The following KLHL2 variants were observed in gnomAD, a reference collection of about 807,000 sequenced individuals.
KLHL2 encodes kelch like family member 2.
KLHL2 carries 15 observed loss-of-function variants against 75.8 expected under a neutral mutation model. The observed-to-expected ratio is 0.20, with a 90% CI of 0.13 to 0.30. The LOEUF is 0.30. KLHL2 is among the 10% of genes least tolerant of loss of function. The probability of loss-of-function intolerance (pLI) is 1.00; values close to 1 mark genes in which losing one functional copy is unlikely to be tolerated. For missense variants in KLHL2, 381 were observed against 741.0 expected, an observed-to-expected ratio of 0.51 and a Z score of 5.64; for synonymous variants, 214 against 251.9, an observed-to-expected ratio of 0.85 and a Z score of 1.42.
rs372742091 is a variant in KLHL2, at chr4:165,244,630, A to AAAAC, written c.381+5755_381+5758dup. On this transcript the variant is annotated intron_variant, in intron 4 of 14. Transcript: ENST00000226725. ...ATAAGTACTCGGTCCTGGTGCTACA[A>AAAAC]AAACAAACAAACAAACAAACAAACA... Among the ~76,000 whole-genome samples the AAAAC allele has an allele frequency of 7.7e-4, 117 of 151,668 alleles. No homozygotes were observed. In the Middle Eastern group the frequency reaches 0.01, roughly 13 times the overall value.
rs1745015435 is a variant in KLHL2 at position 165,297,628 on chromosome 4, C to T, written c.674C>T (p.Ala225Val). 1.2e-6 allele frequency: 2 copies of T among 1,611,122 alleles called. No individual in the cohort carries two copies. The highest frequency in any genetic ancestry group is 2.2e-5 in the South Asian group (2 of 91,028). Residue 225 changes from alanine to valine, a missense_variant, in exon 7 of 15, where the codon GCA becomes GTA. Coordinates refer to ENST00000226725, the MANE Select transcript of KLHL2 (RefSeq NM_007246.4). ...SEEKVFEAVI[A>V]WVNHDKDVRQ... ...TGCAAGGTATTTGAAGCAGTAATAG[C>T]ATGGGTGAACCATGACAAGGATGTG...
At chr4:165,297,552 A>G in intron 6 of KLHL2, 57 bp from the exon 7 acceptor site, 2 of 979,944 alleles carry the variant, frequency 2.0e-6, no homozygotes, top group African/African-American at 1.6e-5. Context: ...TATTTTATCC[A>G]GATGCCTTGA....
At chr4:165,275,640 C>G (rs1305833654) in intron 5 of KLHL2, among the ~76,000 whole-genome samples, 5 of 152,106 alleles carry the variant, frequency 3.3e-5, no homozygotes, top group Admixed American at 2.0e-4. Flanking sequence ...CGGGCTCTTG[C>G]TGTGTTGCCC....
At position 165,240,223 on chromosome 4, in the gene KLHL2, G is replaced by C. The variant is rs552513681; in HGVS notation, c.381+1324G>C. On this transcript the variant is annotated intron_variant, in intron 4 of 14. Coordinates refer to ENST00000226725, the MANE Select transcript of KLHL2 (RefSeq NM_007246.4). ...GTTTTGAGGACAACAAAAATAACTAGGACTAAATTCTTAAGAAATAATCTT... is the reference window on the plus strand; with the variant it reads ...GTTTTGAGGACAACAAAAATAACTACGACTAAATTCTTAAGAAATAATCTT... The C allele has an allele frequency of 5.3e-5, 8 of 152,272 alleles. No individual in the cohort carries two copies. In the South Asian group the frequency reaches 1.7e-3, roughly 32 times the overall value. The allele number at this position is 152,272 out of a possible 1,614,324, so 9.4% of individuals were successfully genotyped here.
intron 11 of KLHL2, among the ~76,000 whole-genome samples, chr4:165,312,321 A>G (rs1746267491): frequency 6.6e-6 from 1 of 152,136 alleles, no homozygotes; most frequent in Admixed American, 6.5e-5. Context: ...GTGTAATTTT[A>G]TATCTGGAGA....
intron 6 of KLHL2, among the ~76,000 whole-genome samples, chr4:165,294,908 C>T (rs1579143940): frequency 6.6e-6 from 1 of 152,258 alleles, no homozygotes; most frequent in East Asian, 1.9e-4. Flanking sequence ...CCTAGGATGG[C>T]GAAGTTTTGG....
chr4:165,288,176 G>A (rs1375693903), intron 5 of KLHL2, among the ~76,000 whole-genome samples: 1 of 152,064 alleles, frequency 6.6e-6, no homozygotes, highest in Non-Finnish European at 1.5e-5. Flanking sequence ...ATTAATTTTT[G>A]TGTATGGCGT....
Position 165,271,241 on chromosome 4 carries a change from A to C in KLHL2, c.544+7882A>C, listed in dbSNP as rs192090018. 2.1e-3 allele frequency among the ~76,000 whole-genome samples: 321 copies of C among 152,282 alleles called. 1 individual carries two copies. The highest frequency in any genetic ancestry group is 7.4e-3 in the African/African-American group (307 of 41,554). On this transcript the variant is annotated intron_variant, in intron 5 of 14. Coordinates refer to ENST00000226725, the MANE Select transcript of KLHL2 (RefSeq NM_007246.4). ...ATTGACTCTGTAGATTGCTTTGGAC[A>C]GTATGGTCATTTTCATGGTGTTGAT...
intron 4 of KLHL2, among the ~76,000 whole-genome samples, chr4:165,260,501 G>C (rs1290535364): frequency 2.0e-5 from 3 of 151,920 alleles, no homozygotes; most frequent in Non-Finnish European, 4.4e-5. Flanking sequence ...ATCTGAACTT[G>C]GTAATGATTA....
intron 5 of KLHL2, among the ~76,000 whole-genome samples, chr4:165,267,487 T>C (rs1023451759): frequency 5.9e-5 from 9 of 152,260 alleles, no homozygotes; most frequent in Admixed American, 2.6e-4. Context: ...ATACGTTCCA[T>C]CAATACCTAG....
chr4:165,278,698 G>A (rs1316385509), intron 5 of KLHL2: 52 of 1,603,986 alleles, frequency 3.2e-5, no homozygotes, highest in Admixed American at 1.5e-4. Flanking sequence ...CTTCCAAAGC[G>A]TAATATACCG....
intron 4 of KLHL2, among the ~76,000 whole-genome samples, chr4:165,243,581 G>C (rs1739993059): frequency 6.6e-6 from 1 of 152,224 alleles, no homozygotes; most frequent in African/African-American, 2.4e-5. Flanking sequence ...ATTTAAATGA[G>C]AGTTTTTCAA....
intron 13 of KLHL2, among the ~76,000 whole-genome samples, chr4:165,316,214 G>A (rs1746578213): frequency 6.6e-6 from 1 of 152,172 alleles, no homozygotes; most frequent in Non-Finnish European, 1.5e-5. Context: ...GCAGTGGGAT[G>A]CTCTTTAATC....
chr4:165,320,771 GGA>G (rs1204780265), intron 14 of KLHL2, among the ~76,000 whole-genome samples: 58 of 152,332 alleles, frequency 3.8e-4, no homozygotes, highest in African/African-American at 1.3e-3. Flanking sequence ...TGACTTCACA[GGA>G]GTTATGACAG....
chr4:165,270,162 A>C (rs929486237), intron 5 of KLHL2, among the ~76,000 whole-genome samples: 5 of 152,054 alleles, frequency 3.3e-5, no homozygotes, highest in African/African-American at 1.2e-4. Context: ...TGTGGTTTTC[A>C]GCTCCATCAG....
At chr4:165,217,091 G>A (rs1737598439) in intron 1 of KLHL2, among the ~76,000 whole-genome samples, 1 of 151,928 alleles carries the variant, frequency 6.6e-6, no homozygotes, top group Admixed American at 6.6e-5. Context: ...AGTTGCTTTT[G>A]CTTCCACTTT....
intron 4 of KLHL2, among the ~76,000 whole-genome samples, chr4:165,254,333 A>G (rs1369907518): frequency 1.3e-5 from 2 of 152,212 alleles, no homozygotes; most frequent in African/African-American, 2.4e-5. Flanking sequence ...TGGATTTATC[A>G]TATTTTACTT....
At chr4:165,264,764 A>G (rs1279848423) in intron 5 of KLHL2, among the ~76,000 whole-genome samples, 109 of 98,452 alleles carry the variant, frequency 1.1e-3, no homozygotes, top group African/African-American at 5.4e-3. Context: ...ATATATATAT[A>G]TAAAACATTA....
In KLHL2 at chr4:165,293,999, A is replaced by G. The variant is rs116008041; in HGVS notation, c.545-360A>G. Among the ~76,000 whole-genome samples the G allele has an allele frequency of 3.8e-3, 579 of 152,338 alleles. 4 individuals are homozygous for G. Among genetic ancestry groups the G allele is most frequent in the African/African-American group, 0.013 (540 of 41,582 alleles). On this transcript the variant is annotated intron_variant, in intron 5 of 14. Coordinates refer to ENST00000226725, the MANE Select transcript of KLHL2 (RefSeq NM_007246.4). ...ACATCATGTTCTTTATCTGATTTATATAATCAAAAGGTTTTACAAATTTAA... is the reference window on the plus strand; with the variant it reads ...ACATCATGTTCTTTATCTGATTTATGTAATCAAAAGGTTTTACAAATTTAA...
Sources: allele counts gnomAD v4.1 joint callset (sites outside exome capture counted in the v4.1 genomes callset), GRCh38; gene constraint gnomAD v4.1.1; transcripts MANE v1.5; gene names NCBI Gene and HGNC (gene_info 2026-07-23, HGNC 2026-07-21).